NELL1: variants seen among roughly 807,000 people sequenced by gnomAD.
NELL1 encodes the protein protein kinase C-binding protein NELL1.
A neutral mutation model predicts 107.4 loss-of-function variants in NELL1; 76 were observed. The ratio of observed to expected loss-of-function variants is 0.71; its 90% CI spans 0.59 to 0.86. The LOEUF (loss-of-function observed/expected upper bound fraction) is 0.86, where lower values mean the gene tolerates loss of function less well. Ranked by LOEUF, NELL1 falls within the 40% of genes least tolerant of loss-of-function variation. The pLI is 0.00. For missense variants in NELL1, 1,024 were observed against 1,005.5 expected, an observed-to-expected ratio of 1.02 and a Z score of -0.25; for synonymous variants, 353 against 341.2, an observed-to-expected ratio of 1.03 and a Z score of -0.38.
At chr11:21,179,313 C>T (rs1160506979) in intron 13 of NELL1, among the ~76,000 whole-genome samples, 1 of 151,870 alleles carries the variant, frequency 6.6e-6, no homozygotes, top group African/African-American at 2.4e-5. Flanking sequence ...GGTTTTGAAA[C>T]ACAATGAGAG....
chr11:20,775,369 A>G (rs1856730191), intron 2 of NELL1, among the ~76,000 whole-genome samples: 1 of 152,226 alleles, frequency 6.6e-6, no homozygotes, highest in South Asian at 2.1e-4. Context: ...ATATTACAAT[A>G]TATAATTTTC....
At chr11:20,673,312 C>A (rs1014260917) in intron 1 of NELL1, among the ~76,000 whole-genome samples, 4 of 152,160 alleles carry the variant, frequency 2.6e-5, no homozygotes, top group African/African-American at 9.7e-5. Context: ...AAGAAAATTG[C>A]TTTTGGGGTA....
intron 5 of NELL1, among the ~76,000 whole-genome samples, chr11:20,894,701 C>T (rs1590389367): frequency 6.6e-6 from 1 of 152,098 alleles, no homozygotes; most frequent in Non-Finnish European, 1.5e-5. Context: ...CTAAGGAAAG[C>T]TGTTTGTTAG....
intron 4 of NELL1, among the ~76,000 whole-genome samples, chr11:20,856,677 G>T (rs1046373364): frequency 6.6e-6 from 1 of 152,152 alleles, no homozygotes; most frequent in Admixed American, 6.5e-5. Context: ...GCTGTTTTTG[G>T]CTGAAGTACA....
rs577170162 is a variant in NELL1 at position 21,492,548 on chromosome 11, A to G, written c.1646-41826A>G. Among the ~76,000 whole-genome samples the G allele has an allele frequency of 2.2e-4, 33 of 152,050 alleles. 1 individual carries two copies. The South Asian group carries it at 5.0e-3, about 23-fold the overall frequency. On this transcript the variant is annotated intron_variant, in intron 15 of 19. Coordinates refer to ENST00000357134, the MANE Select transcript of NELL1 (RefSeq NM_006157.5). ...TAAGAAAATGTGGCACATATACACC[A>G]TGGAATACTATGCAGCCATAAAAAA...
intron 12 of NELL1, among the ~76,000 whole-genome samples, chr11:20,967,062 A>AT (rs1314533473): frequency 6.6e-6 from 1 of 151,986 alleles, no homozygotes; most frequent in African/African-American, 2.4e-5. Context: ...TATTTTATTT[A>AT]TTTTTTACCA....
At chr11:21,400,773 A>G (rs914078050) in intron 15 of NELL1, among the ~76,000 whole-genome samples, 1 of 151,890 alleles carries the variant, frequency 6.6e-6, no homozygotes, top group Non-Finnish European at 1.5e-5. Context: ...ATCCTATATG[A>G]TTGTACTGAA....
intron 2 of NELL1, among the ~76,000 whole-genome samples, chr11:20,755,556 G>GTTTTTTTTTTTTTT (rs1188989442): frequency 8.6e-5 from 2 of 23,370 alleles, no homozygotes; most frequent in African/African-American, 1.7e-4. Context: ...TTTTGTTTTT[G>GTTTTTTTTTTTTTT]TTTTTGTTTT....
chr11:20,741,619 T>C (rs1009196356), intron 2 of NELL1, among the ~76,000 whole-genome samples: 1 of 152,132 alleles, frequency 6.6e-6, no homozygotes, highest in African/African-American at 2.4e-5. Flanking sequence ...TTTTCAGAGA[T>C]TAGAGCTTCC....
chr11:20,697,104 A>G (rs1057243079), intron 2 of NELL1, among the ~76,000 whole-genome samples: 1 of 152,188 alleles, frequency 6.6e-6, no homozygotes, highest in Non-Finnish European at 1.5e-5. Flanking sequence ...GACCAAATTT[A>G]GCAACAAATT....
At chr11:21,420,406 T>C (rs1852636557) in intron 15 of NELL1, among the ~76,000 whole-genome samples, 1 of 151,712 alleles carries the variant, frequency 6.6e-6, no homozygotes, top group Admixed American at 6.6e-5. Context: ...TGTACAAATA[T>C]GAAAAGAAGA....
intron 14 of NELL1, among the ~76,000 whole-genome samples, chr11:21,342,513 A>G (rs1025574227): frequency 1.3e-5 from 2 of 151,688 alleles, no homozygotes; most frequent in East Asian, 3.9e-4. Context: ...GCATGGTGGC[A>G]TGTGCCTGTA....
Position 20,919,307 on chromosome 11 carries a change from A to G in NELL1, c.732A>G (p.Gln244=). The G allele has an allele frequency of 6.2e-7, 1 of 1,606,540 alleles. No homozygotes were observed. Among genetic ancestry groups the G allele is most frequent in the South Asian group, 1.1e-5 (1 of 89,824 alleles). The change falls in exon 7 of 20, where the codon CAA becomes CAG. Residue 244 remains glutamine (Q), a synonymous_variant. Coordinates refer to ENST00000357134, the MANE Select transcript of NELL1 (RefSeq NM_006157.5). ...TGGTGCAAGGAATAATGGATTTACA[A>G]GAGCTTTTGGCCAAGATGACTGCAA... is the stretch of plus-strand genomic sequence containing the variant. ...LSLVQGIMDL[Q]ELLAKMTAKL... is the part of the protein sequence containing the mutation.
chr11:21,367,102 T>A (rs191933484), intron 14 of NELL1, among the ~76,000 whole-genome samples: 8 of 152,190 alleles, frequency 5.3e-5, no homozygotes, highest in East Asian at 3.9e-4. Flanking sequence ...TGAACCTCTC[T>A]CAAATATGAA....
intron 11 of NELL1, among the ~76,000 whole-genome samples, chr11:20,949,062 G>A (rs1851022389): frequency 6.6e-6 from 1 of 152,150 alleles, no homozygotes; most frequent in Non-Finnish European, 1.5e-5. Context: ...ACAACTAACA[G>A]AAGAAAGTTA....
chr11:21,558,618 T>A (rs1856777164), intron 16 of NELL1, among the ~76,000 whole-genome samples: 1 of 152,066 alleles, frequency 6.6e-6, no homozygotes, highest in South Asian at 2.1e-4. Context: ...ATGGCATTTA[T>A]ATGCTATGCT....
intron 12 of NELL1, among the ~76,000 whole-genome samples, chr11:21,111,060 T>C (rs968587200): frequency 3.3e-5 from 5 of 152,130 alleles, no homozygotes; most frequent in African/African-American, 1.2e-4. Flanking sequence ...TTCTGTCTGG[T>C]AGGTTATTGC....
At chr11:21,201,180 A>G (rs555901374) in intron 13 of NELL1, among the ~76,000 whole-genome samples, 1 of 152,334 alleles carries the variant, frequency 6.6e-6, no homozygotes, top group East Asian at 1.9e-4. Flanking sequence ...AGTCAATGAT[A>G]GCTTGATGGG....
chr11:20,976,526 C>G (rs1255692429), intron 12 of NELL1, among the ~76,000 whole-genome samples: 1 of 152,130 alleles, frequency 6.6e-6, no homozygotes, highest in East Asian at 1.9e-4. Flanking sequence ...TCCATTTTTC[C>G]TAAGAAGAGA....
Sources: gnomAD v4.1 joint callset for allele counts (sites outside exome capture counted in the v4.1 genomes callset) on GRCh38, gnomAD v4.1.1 for gene constraint, MANE v1.5 for transcripts, NCBI Gene and HGNC (gene_info 2026-07-23, HGNC 2026-07-21) for gene names.